IGF2BP3: variants seen among roughly 807,000 people sequenced by gnomAD.
The protein encoded by IGF2BP3 is insulin like growth factor 2 mRNA binding protein 3.
A neutral mutation model predicts 73.8 loss-of-function variants in IGF2BP3; 9 were observed. The observed-to-expected ratio is 0.12, with a 90% CI of 0.07 to 0.21. The LOEUF (loss-of-function observed/expected upper bound fraction) is 0.21. Among genes scored for constraint, IGF2BP3 ranks in the 10% least tolerant of loss-of-function variants. IGF2BP3 has a pLI of 1.00. For missense variants in IGF2BP3, 542 were observed against 714.0 expected (o/e 0.76, Z 2.75); for synonymous variants, 258 against 256.7 (o/e 1.01, Z -0.05).
At chr7:23,314,861 G>C (rs1299619510) in intron 12 of IGF2BP3, among the ~76,000 whole-genome samples, 1 of 152,136 alleles carries the variant, frequency 6.6e-6, no homozygotes, top group Non-Finnish European at 1.5e-5. Context: ...GCAATGGCAT[G>C]GTTTCGGCTT....
intron 3 of IGF2BP3, among the ~76,000 whole-genome samples, chr7:23,409,623 G>A (rs978905279): frequency 3.9e-5 from 6 of 152,096 alleles, no homozygotes; most frequent in Non-Finnish European, 8.8e-5. Flanking sequence ...AAAGTGTGAG[G>A]GCAATTCAAT....
intron 3 of IGF2BP3, among the ~76,000 whole-genome samples, chr7:23,373,056 C>T (rs954075905): frequency 4.6e-5 from 7 of 152,270 alleles, no homozygotes; most frequent in African/African-American, 1.4e-4. Flanking sequence ...AATACACCGA[C>T]GGAAACCAGT....
At chr7:23,423,631 T>G (rs928598632) in intron 2 of IGF2BP3, among the ~76,000 whole-genome samples, 1 of 152,100 alleles carries the variant, frequency 6.6e-6, no homozygotes, top group Non-Finnish European at 1.5e-5. Context: ...AAGCATTCAA[T>G]TGATAGTTAA....
At chr7:23,373,464 C>T (rs942662262) in intron 3 of IGF2BP3, among the ~76,000 whole-genome samples, 7 of 147,552 alleles carry the variant, frequency 4.7e-5, no homozygotes, top group African/African-American at 1.7e-4. Flanking sequence ...GGAGATACCA[C>T]TTCACCTCCA....
intron 3 of IGF2BP3, among the ~76,000 whole-genome samples, chr7:23,418,505 C>A (rs1419449650): frequency 3.3e-5 from 5 of 152,292 alleles, no homozygotes; most frequent in African/African-American, 1.2e-4. Context: ...CTGAAATCAA[C>A]AAAATCCTGT....
At chr7:23,456,020 C>T (rs1005713192) in intron 2 of IGF2BP3, among the ~76,000 whole-genome samples, 5 of 152,086 alleles carry the variant, frequency 3.3e-5, no homozygotes, top group African/African-American at 1.2e-4. Flanking sequence ...TGAAACCTAG[C>T]ATAGAATCAA....
At chr7:23,366,571 A>C (rs1351481274) in intron 3 of IGF2BP3, among the ~76,000 whole-genome samples, 4 of 151,718 alleles carry the variant, frequency 2.6e-5, no homozygotes, top group African/African-American at 9.7e-5. Flanking sequence ...AAAAAAAAAA[A>C]ACCACAAGCA....
chr7:23,314,185 T>C (rs1006273528), intron 12 of IGF2BP3, among the ~76,000 whole-genome samples: 1 of 126,690 alleles, frequency 7.9e-6, no homozygotes, highest in Non-Finnish European at 1.7e-5. Flanking sequence ...ACCTGACTTA[T>C]TTTTTTTTTT....
At chr7:23,447,324 A>G (rs773984810) in intron 2 of IGF2BP3, among the ~76,000 whole-genome samples, 1 of 151,860 alleles carries the variant, frequency 6.6e-6, no homozygotes, top group East Asian at 1.9e-4. Flanking sequence ...CAAAAACAGG[A>G]AAGTCATTAA....
In IGF2BP3 at chr7:23,412,842, C is replaced by CTTTTTTT. The variant is rs557467066; in HGVS notation, c.285+5927_285+5933dup. 1.2e-3 allele frequency among the ~76,000 whole-genome samples: 45 copies of CTTTTTTT among 37,018 alleles called. 5 individuals are homozygous for CTTTTTTT. Among genetic ancestry groups the CTTTTTTT allele is most frequent in the African/African-American group, 2.2e-3 (20 of 9,176 alleles). The allele number at this position is 37,018 out of a possible 152,430, so 24.3% of individuals were successfully genotyped here. On this transcript the variant is annotated intron_variant, in intron 3 of 14. Transcript: ENST00000258729. ...GAAATCCTTTCCTTAAGACTCTGGC[C>CTTTTTTT]TTTTTTTTTTTTTTTTTTTTTTTTT...
At chr7:23,407,792 A>G (rs1164071426) in intron 3 of IGF2BP3, among the ~76,000 whole-genome samples, 2 of 152,186 alleles carry the variant, frequency 1.3e-5, no homozygotes, top group East Asian at 1.9e-4. Flanking sequence ...AATACAAAAA[A>G]CATCAAACTA....
chr7:23,377,984 T>C (rs1785780375), intron 3 of IGF2BP3, among the ~76,000 whole-genome samples: 1 of 152,186 alleles, frequency 6.6e-6, no homozygotes, highest in East Asian at 1.9e-4. Context: ...TGTTAATGGC[T>C]ATAGGGTTAC....
chr7:23,426,510 T>G (rs764815517), intron 2 of IGF2BP3, among the ~76,000 whole-genome samples: 1 of 152,232 alleles, frequency 6.6e-6, no homozygotes, highest in Non-Finnish European at 1.5e-5. Flanking sequence ...CATTTGCTTA[T>G]GACTCTAGTC....
At chr7:23,347,478 G>T in intron 7 of IGF2BP3, 122 bp downstream of exon 7, 2 of 992,552 alleles carry the variant, frequency 2.0e-6, no homozygotes, top group East Asian at 2.4e-5. Context: ...GCCAACCACT[G>T]TAGCTCATCA....
chr7:23,442,673 C>T (rs1319396120), intron 2 of IGF2BP3, among the ~76,000 whole-genome samples: 1 of 152,142 alleles, frequency 6.6e-6, no homozygotes, highest in Non-Finnish European at 1.5e-5. Context: ...GCTGGGATTA[C>T]AGGCTTGAGC....
At chr7:23,411,760 C>T (rs1285086600) in intron 3 of IGF2BP3, among the ~76,000 whole-genome samples, 3 of 152,128 alleles carry the variant, frequency 2.0e-5, no homozygotes, top group African/African-American at 4.8e-5. Flanking sequence ...TAACTCACTC[C>T]GTGGTCCCTG....
intron 5 of IGF2BP3, among the ~76,000 whole-genome samples, chr7:23,354,002 A>T (rs1025855052): frequency 2.0e-5 from 3 of 152,016 alleles, no homozygotes; most frequent in South Asian, 4.1e-4. Flanking sequence ...TTATTTATTT[A>T]TTTTTTTTGA....
chr7:23,365,980 CCGA>C (rs1785359203), intron 3 of IGF2BP3: 1 of 152,120 alleles, frequency 6.6e-6, no homozygotes, highest in African/African-American at 2.4e-5. Flanking sequence ...GAACTAGCCA[CCGA>C]TCATCAAATA....
Position 23,345,795 on chromosome 7 carries a change from A to C in IGF2BP3, c.941+145T>G. 3.3e-6 allele frequency: 3 copies of C among 914,908 alleles called. No homozygotes were observed. The Admixed American group carries it at 7.9e-5, about 24-fold the overall frequency. 56.7% of individuals were successfully genotyped at this position (914,908 alleles called of 1,614,324 possible). A position where few individuals can be genotyped will look rare whatever the true frequency, so the allele number is the denominator to read the frequency against. On this transcript the variant is annotated intron_variant, in intron 8 of 14. Transcript: ENST00000258729. ...AATACGGGTCAGAAACCTAACAGGCAGCAAGCTGTATTTGAGAAACCATGT... is the reference window on the plus strand; with the variant it reads ...AATACGGGTCAGAAACCTAACAGGCCGCAAGCTGTATTTGAGAAACCATGT...
Sources: gnomAD v4.1 joint callset for allele counts (sites outside exome capture counted in the v4.1 genomes callset) on GRCh38, gnomAD v4.1.1 for gene constraint, MANE v1.5 for transcripts, NCBI Gene and HGNC (gene_info 2026-07-23, HGNC 2026-07-21) for gene names.